The following SNRPN variants were observed in gnomAD, a reference collection of about 807,000 sequenced individuals.
SNRPN encodes the protein small nuclear ribonucleoprotein polypeptide N.
SNRPN carries 7 observed loss-of-function variants against 25.2 expected under a neutral mutation model. That is an observed-to-expected ratio of 0.28 (90% CI 0.16 to 0.52). The LOEUF is 0.52. SNRPN is among the 20% of genes least tolerant of loss of function. The pLI is 0.96. For synonymous variants in SNRPN, 124 were observed against 110.6 expected (o/e 1.12, Z -0.76); for missense variants, 196 against 322.5 (o/e 0.61, Z 3.00).
intron 1 of SNRPN, among the ~76,000 whole-genome samples, chr15:24,863,811 T>C (rs2054250633): frequency 6.6e-6 from 1 of 150,644 alleles, no homozygotes; most frequent in Non-Finnish European, 1.5e-5. Context: ...ACATCTGCGT[T>C]CTGGAAACTA....
intron 3 of SNRPN, among the ~76,000 whole-genome samples, chr15:24,970,809 T>G (rs1382543012): frequency 6.6e-6 from 1 of 152,144 alleles, no homozygotes; most frequent in African/African-American, 2.4e-5. Flanking sequence ...TATTCTGGTG[T>G]TTTTTTGTTT....
chr15:24,857,026 A>G (rs954555833), intron 1 of SNRPN, among the ~76,000 whole-genome samples: 2 of 152,208 alleles, frequency 1.3e-5, no homozygotes, highest in Non-Finnish European at 2.9e-5. Flanking sequence ...CCTATGAAAC[A>G]TCTCTGGTTG....
chr15:24,918,570 A>ATATATAACATAATATATG (rs2059731249), intron 2 of SNRPN, among the ~76,000 whole-genome samples: 1 of 56,632 alleles, frequency 1.8e-5, no homozygotes, highest in African/African-American at 6.9e-5. Context: ...CATAATATAT[A>ATATATAACATAATATATG]TGTATATATA....
chr15:24,917,891 C>T (rs1388233275), intron 2 of SNRPN, among the ~76,000 whole-genome samples: 5 of 152,010 alleles, frequency 3.3e-5, no homozygotes, highest in African/African-American at 7.2e-5. Context: ...TTTTTCTTTT[C>T]GTTCTGGCTT....
intron 3 of SNRPN, among the ~76,000 whole-genome samples, chr15:24,937,968 A>C (rs567748784): frequency 3.3e-5 from 5 of 152,216 alleles, no homozygotes; most frequent in Non-Finnish European, 7.3e-5. Flanking sequence ...TTGAGGTTGA[A>C]TGATACTCCA....
In SNRPN at chr15:24,838,741, A is replaced by G. The variant is rs1566811990; in HGVS notation, c.-579+8836A>G. On this transcript the variant is annotated intron_variant, in intron 2 of 12. Transcript: ENST00000400100. ...TCCAGCAAGGGAGGACATGTCCTAT[A>G]TAAACTTGATGTGCCTGATAACATA... is the stretch of plus-strand genomic sequence containing the variant. Among the ~76,000 whole-genome samples, 6 of 152,082 alleles carry G rather than the reference A, an allele frequency of 3.9e-5. No homozygotes were observed. In the South Asian group the frequency reaches 1.2e-3, roughly 31 times the overall value.
intron 3 of SNRPN, among the ~76,000 whole-genome samples, chr15:24,969,163 C>T (rs1001412574): frequency 1.3e-5 from 2 of 152,126 alleles, no homozygotes; most frequent in African/African-American, 4.8e-5. Flanking sequence ...AAGTTTCACT[C>T]TGTTGCCCAG....
intron 2 of SNRPN, among the ~76,000 whole-genome samples, chr15:24,834,819 A>C (rs1451189811): frequency 3.6e-5 from 5 of 137,828 alleles, no homozygotes; most frequent in Non-Finnish European, 6.2e-5. Context: ...CCAGCTACTC[A>C]GGAGGCTGAG....
intron 3 of SNRPN, among the ~76,000 whole-genome samples, chr15:24,925,976 C>T (rs981294023): frequency 2.0e-5 from 3 of 152,096 alleles, no homozygotes; most frequent in Non-Finnish European, 2.9e-5. Context: ...CCTTGTGATC[C>T]GCCCGCCTCG....
intron 2 of SNRPN, among the ~76,000 whole-genome samples, chr15:24,834,517 G>A (rs560619241): frequency 3.3e-5 from 5 of 151,970 alleles, no homozygotes; most frequent in African/African-American, 1.2e-4. Flanking sequence ...TGCACAGTGT[G>A]AAAATAAGTC....
At chr15:24,881,726 C>T (rs576524176) in intron 1 of SNRPN, among the ~76,000 whole-genome samples, 7 of 151,984 alleles carry the variant, frequency 4.6e-5, no homozygotes, top group East Asian at 1.9e-4. Context: ...GAAATATTAA[C>T]AATTACATAA....
At chr15:24,933,899 G>A (rs556587075) in intron 3 of SNRPN, among the ~76,000 whole-genome samples, 26 of 152,312 alleles carry the variant, frequency 1.7e-4, no homozygotes, top group Non-Finnish European at 2.6e-4. Context: ...GACTGACTCC[G>A]TCTGTATTAA....
At chr15:24,942,344 T>C (rs1303431954) in intron 3 of SNRPN, 1 of 152,174 alleles carries the variant, frequency 6.6e-6, no homozygotes, top group Non-Finnish European at 1.5e-5. Flanking sequence ...TACAGCCTCC[T>C]GAAAAGCCTT....
intron 2 of SNRPN, among the ~76,000 whole-genome samples, chr15:24,847,411 C>A (rs1809140): frequency 6.6e-6 from 1 of 152,018 alleles, no homozygotes; most frequent in Non-Finnish European, 1.5e-5. Context: ...GAGGCCGAGG[C>A]GGGCAGATCA....
At chr15:24,944,244 A>G (rs1378731704) in intron 3 of SNRPN, among the ~76,000 whole-genome samples, 1 of 152,216 alleles carries the variant, frequency 6.6e-6, no homozygotes, top group Non-Finnish European at 1.5e-5. Flanking sequence ...TTTTCAGGTC[A>G]TTAATGTAGC....
chr15:24,870,869 G>T lies in SNRPN; in HGVS notation c.-579+14153G>T, dbSNP rs7402366. 9.5e-3 allele frequency among the ~76,000 whole-genome samples: 1,345 copies of T among 140,850 alleles called. 29 individuals carry two copies. The highest frequency in any genetic ancestry group is 0.033 in the African/African-American group (1,258 of 37,974). The allele number at this position is 140,850 out of a possible 152,430, so 92.4% of individuals were successfully genotyped here. The stretch of plus-strand genomic sequence containing the variant: ...ACCTACAAATAATTTTTTTTTTTTG[G>T]TTTTTTGTTTGTTTGTTTCTTTGTT... On this transcript the variant is annotated intron_variant, in intron 1 of 11. Coordinates refer to the SNRPN transcript ENST00000400097.
intron 1 of SNRPN, among the ~76,000 whole-genome samples, chr15:24,865,476 A>G (rs2054488065): frequency 6.6e-6 from 1 of 152,220 alleles, no homozygotes; most frequent in African/African-American, 2.4e-5. Context: ...GGCTCTTATC[A>G]GGAGAAAGTT....
chr15:24,884,148 C>CAAAAAAAAAAAAAAAAAAAAAAA (rs61039873), intron 1 of SNRPN, among the ~76,000 whole-genome samples: 1 of 104,872 alleles, frequency 9.5e-6, no homozygotes, highest in African/African-American at 3.9e-5. Flanking sequence ...CCTGCCTCTA[C>CAAAAAAAAAAAAAAAAAAAAAAA]AAAAAAAAAA....
chr15:24,977,066 A>G, intron 7 of SNRPN, 37 bp downstream of exon 7: 1 of 1,502,644 alleles, frequency 6.7e-7, no homozygotes, highest in Middle Eastern at 2.0e-4. Flanking sequence ...TTATTGGGAG[A>G]ATATGACTAA....
Sources: gnomAD v4.1 joint callset for allele counts (sites outside exome capture counted in the v4.1 genomes callset) on GRCh38, gnomAD v4.1.1 for gene constraint, MANE v1.5 for transcripts, NCBI Gene and HGNC (gene_info 2026-07-23, HGNC 2026-07-21) for gene names.